The following ASTN2 variants were observed in gnomAD, a reference collection of about 807,000 sequenced individuals.
ASTN2 encodes astrotactin-2.
A neutral mutation model predicts 139.8 loss-of-function variants in ASTN2; 54 were observed. That is an observed-to-expected ratio of 0.39 (90% CI 0.31 to 0.48). The LOEUF (loss-of-function observed/expected upper bound fraction) is 0.48, where lower values mean the gene tolerates loss of function less well. ASTN2 is among the 20% of genes least tolerant of loss of function. The pLI is 0.95. For missense variants in ASTN2, 1,565 were observed against 1,725.1 expected, an observed-to-expected ratio of 0.91 and a Z score of 1.64; for synonymous variants, 756 against 719.5, an observed-to-expected ratio of 1.05 and a Z score of -0.81.
intron 3 of ASTN2, among the ~76,000 whole-genome samples, chr9:117,152,987 G>A (rs1410139534): frequency 6.6e-6 from 1 of 152,116 alleles, no homozygotes; most frequent in East Asian, 1.9e-4. Flanking sequence ...GTACATGGAA[G>A]TATCTGCCTC....
chr9:116,631,359 T>G (rs1319043098), intron 17 of ASTN2, among the ~76,000 whole-genome samples: 1 of 152,198 alleles, frequency 6.6e-6, no homozygotes, highest in South Asian at 2.1e-4. Flanking sequence ...ATGTGATGTA[T>G]ATATACAATG....
At chr9:116,989,846 A>G (rs1386535198) in intron 7 of ASTN2, among the ~76,000 whole-genome samples, 1 of 151,994 alleles carries the variant, frequency 6.6e-6, no homozygotes, top group Non-Finnish European at 1.5e-5. Flanking sequence ...GGCCTCCCAA[A>G]GTGCTGGGAT....
intron 10 of ASTN2, among the ~76,000 whole-genome samples, chr9:116,930,021 C>T (rs1236943604): frequency 6.6e-6 from 1 of 152,188 alleles, no homozygotes; most frequent in Non-Finnish European, 1.5e-5. Flanking sequence ...AGGATGCTTG[C>T]TGGAGGTCCA....
chr9:117,209,235 T>G (rs1832039737), intron 3 of ASTN2, among the ~76,000 whole-genome samples: 1 of 152,082 alleles, frequency 6.6e-6, no homozygotes, highest in Non-Finnish European at 1.5e-5. Context: ...TGAACTAAAT[T>G]CCCCATTAAG....
chr9:117,095,466 G>C (rs950373878), intron 5 of ASTN2, among the ~76,000 whole-genome samples: 1 of 152,184 alleles, frequency 6.6e-6, no homozygotes, highest in Non-Finnish European at 1.5e-5. Flanking sequence ...ATCTGTTGAA[G>C]AAACTGCCTA....
At chr9:116,826,053 T>C (rs1423092713) in intron 11 of ASTN2, among the ~76,000 whole-genome samples, 4 of 152,186 alleles carry the variant, frequency 2.6e-5, no homozygotes, top group East Asian at 1.9e-4. Flanking sequence ...CTTGCTCACC[T>C]TTCTTGCCTG....
chr9:116,507,327 G>A (rs1468699670), intron 19 of ASTN2, among the ~76,000 whole-genome samples: 1 of 152,170 alleles, frequency 6.6e-6, no homozygotes, highest in Non-Finnish European at 1.5e-5. Context: ...GACCAATTAA[G>A]TGAATCTCCT....
chr9:116,749,361 T>C (rs753881755), intron 13 of ASTN2, among the ~76,000 whole-genome samples: 1 of 152,150 alleles, frequency 6.6e-6, no homozygotes, highest in Non-Finnish European at 1.5e-5. Flanking sequence ...GCACAATTTG[T>C]CCAAGCCACA....
chr9:117,005,083 T>TC (rs1044907192), intron 7 of ASTN2, among the ~76,000 whole-genome samples: 2 of 133,776 alleles, frequency 1.5e-5, no homozygotes, highest in Non-Finnish European at 3.2e-5. Context: ...GTAGTCGATT[T>TC]TTTTTTTTTT....
chr9:116,474,751 T>C (rs903618703), intron 20 of ASTN2, among the ~76,000 whole-genome samples: 2 of 152,106 alleles, frequency 1.3e-5, no homozygotes, highest in Non-Finnish European at 2.9e-5. Flanking sequence ...AGCCCCTCAT[T>C]GCAATGAAAA....
chr9:116,945,236 G>A (rs750516747), intron 10 of ASTN2, among the ~76,000 whole-genome samples: 2 of 152,142 alleles, frequency 1.3e-5, no homozygotes, highest in Non-Finnish European at 1.5e-5. Flanking sequence ...TGAGGATCAC[G>A]TATCAACTCT....
chr9:116,851,541 T>A (rs2296672), intron 11 of ASTN2, among the ~76,000 whole-genome samples: 90,773 of 151,692 alleles, frequency 0.6, 27,517 homozygotes, highest in Middle Eastern at 0.79. Flanking sequence ...TTATAGTAAA[T>A]CTACTAAAAG....
chr9:117,299,185 A>G lies in ASTN2; in HGVS notation c.443-7672T>C, dbSNP rs554704066. On this transcript the variant is annotated intron_variant, in intron 1 of 22. Transcript: ENST00000313400. ...GACCACGAAGAATGGCACTCACTAA[A>G]TAGTGGGATCAGAGGTGATTTTAAT... Among the ~76,000 whole-genome samples the G allele has an allele frequency of 1.6e-3, 239 of 152,304 alleles. 2 individuals carry two copies. Among genetic ancestry groups the G allele is most frequent in the Non-Finnish European group, 2.9e-3 (195 of 68,024 alleles).
intron 3 of ASTN2, among the ~76,000 whole-genome samples, chr9:117,170,491 G>A (rs564442822): frequency 6.6e-6 from 1 of 152,264 alleles, no homozygotes; most frequent in African/African-American, 2.4e-5. Context: ...TTCTAATGGG[G>A]CAGAGAGCAA....
chr9:116,895,992 A>G (rs1833870243), intron 10 of ASTN2, among the ~76,000 whole-genome samples: 2 of 152,248 alleles, frequency 1.3e-5, no homozygotes, highest in South Asian at 2.1e-4. Flanking sequence ...AAATGCATGG[A>G]TATGATATGG....
At chr9:117,082,536 C>A (rs1828455910) in intron 5 of ASTN2, among the ~76,000 whole-genome samples, 1 of 152,194 alleles carries the variant, frequency 6.6e-6, no homozygotes, top group Non-Finnish European at 1.5e-5. Flanking sequence ...AATAATAGAT[C>A]CCTTCCTTCA....
chr9:116,871,126 T>C (rs1019154720), intron 10 of ASTN2, among the ~76,000 whole-genome samples: 1 of 151,962 alleles, frequency 6.6e-6, no homozygotes, highest in Non-Finnish European at 1.5e-5. Flanking sequence ...GGTGTGGTGG[T>C]GGGCACCTGT....
intron 1 of ASTN2, among the ~76,000 whole-genome samples, chr9:117,348,822 A>C (rs1829302752): frequency 6.6e-6 from 1 of 151,454 alleles, no homozygotes; most frequent in Admixed American, 6.6e-5. Flanking sequence ...TTCATTAATA[A>C]CAGATCTCCT....
chr9:116,884,419 T>C (rs923294842), intron 10 of ASTN2, among the ~76,000 whole-genome samples: 3 of 152,072 alleles, frequency 2.0e-5, no homozygotes, highest in African/African-American at 7.2e-5. Context: ...ATCAGTAGAG[T>C]TGGCTGTAAT....
Sources: gnomAD v4.1 joint callset for allele counts (sites outside exome capture counted in the v4.1 genomes callset) on GRCh38, gnomAD v4.1.1 for gene constraint, MANE v1.5 for transcripts, NCBI Gene and HGNC (gene_info 2026-07-23, HGNC 2026-07-21) for gene names.